CHN2: variants seen among roughly 807,000 people sequenced by gnomAD.
The protein encoded by CHN2 is chimerin 2.
CHN2 carries 35 observed loss-of-function variants against 56.3 expected under a neutral mutation model. The ratio of observed to expected loss-of-function variants is 0.62; its 90% CI spans 0.47 to 0.82. The LOEUF is 0.82. CHN2 is among the 40% of genes least tolerant of loss of function. The pLI, the probability that CHN2 is intolerant of heterozygous loss-of-function variation, is 0.00. For missense variants in CHN2, 491 were observed against 580.5 expected, an observed-to-expected ratio of 0.85 and a Z score of 1.58; for synonymous variants, 210 against 212.8, an observed-to-expected ratio of 0.99 and a Z score of 0.12.
intron 1 of CHN2, among the ~76,000 whole-genome samples, chr7:29,305,484 C>T (rs192810798): frequency 1.2e-4 from 18 of 151,596 alleles, no homozygotes; most frequent in African/African-American, 3.6e-4. Context: ...TGATACTTAT[C>T]GTTATTTATT....
chr7:29,276,506 A>G (rs889834501), intron 1 of CHN2, among the ~76,000 whole-genome samples: 1 of 152,192 alleles, frequency 6.6e-6, no homozygotes, highest in Non-Finnish European at 1.5e-5. Context: ...TGGGAGCTTT[A>G]GGGTCAGAGA....
chr7:29,256,864 G>C (rs908759776), intron 1 of CHN2, among the ~76,000 whole-genome samples: 1 of 152,112 alleles, frequency 6.6e-6, no homozygotes. Flanking sequence ...GTTAACCAAA[G>C]ACCTTGTATT....
At chr7:29,276,095 G>A (rs780253347) in intron 1 of CHN2, among the ~76,000 whole-genome samples, 2 of 152,014 alleles carry the variant, frequency 1.3e-5, no homozygotes, top group Non-Finnish European at 2.9e-5. Context: ...TTTTTCATTA[G>A]TATTTGGGGG....
At chr7:29,468,745 A>C (rs780407068) in intron 6 of CHN2, among the ~76,000 whole-genome samples, 1 of 152,034 alleles carries the variant, frequency 6.6e-6, no homozygotes, top group Non-Finnish European at 1.5e-5. Flanking sequence ...ACTTACTTTC[A>C]TATTGCTAAC....
rs1408870214 is a variant in CHN2 at position 29,398,248 on chromosome 7, C to A, written c.177-125C>A. ...CACTTAAGATGGGCAGTAGTCACCC[C>A]CCTTCTTCACTCAGTTGTGGGGCTG... is the stretch of plus-strand genomic sequence containing the variant. On this transcript the variant is annotated intron_variant, in intron 4 of 12. Transcript: ENST00000222792. 3 of 675,862 alleles carry A rather than the reference C, an allele frequency of 4.4e-6. No individual in the cohort carries two copies. In the South Asian group the frequency reaches 5.3e-5, roughly 12 times the overall value. 41.9% of individuals were successfully genotyped at this position (675,862 alleles called of 1,614,324 possible).
intron 1 of CHN2, among the ~76,000 whole-genome samples, chr7:29,235,282 A>G (rs1372620829): frequency 6.6e-6 from 1 of 152,220 alleles, no homozygotes; most frequent in Non-Finnish European, 1.5e-5. Flanking sequence ...CATATGAAGA[A>G]ATGCTCAACA....
Position 29,480,335 on chromosome 7 carries a change from T to A in CHN2, c.633T>A (p.Tyr211Ter). 1.2e-6 allele frequency: 2 copies of A among 1,614,184 alleles called. No homozygotes were observed. Among genetic ancestry groups the A allele is most frequent in the Non-Finnish European group, 1.7e-6 (2 of 1,180,022 alleles). ...CACACAACGACAACCACTTCAATTATGAGAAGACACACAACTTTAAGGTAA... is the reference window on the plus strand; with the variant it reads ...CACACAACGACAACCACTTCAATTAAGAGAAGACACACAACTTTAAGGTAA... ...ALTHNDNHFN[Y>*]EKTHNFKVHT... The change falls in exon 7 of 13, where the codon TAT becomes TAA. Residue 211 changes from tyrosine (Y) to a stop codon, truncating the protein, a stop_gained. Transcript: ENST00000222792. LOFTEE classifies it high-confidence loss of function.
intron 10 of CHN2, among the ~76,000 whole-genome samples, chr7:29,506,239 A>C (rs1790551883): frequency 6.6e-6 from 1 of 152,098 alleles, no homozygotes; most frequent in South Asian, 2.1e-4. Context: ...AGCAGGTCAA[A>C]ACTTCTGTGC....
chr7:29,490,775 G>A (rs1400418148), intron 7 of CHN2, among the ~76,000 whole-genome samples: 1 of 152,124 alleles, frequency 6.6e-6, no homozygotes, highest in Non-Finnish European at 1.5e-5. Flanking sequence ...TATTTGAAAT[G>A]TTATTATATT....
intron 7 of CHN2, among the ~76,000 whole-genome samples, chr7:29,491,080 A>T (rs1467922417): frequency 1.3e-5 from 2 of 152,150 alleles, no homozygotes; most frequent in Non-Finnish European, 2.9e-5. Context: ...AAAATTATAT[A>T]CTTCTGGTAA....
rs192063283 is a variant in CHN2, at chr7:29,327,439, C to T, written c.50-27186C>T. ...CTTCGGTTTTGCTTCTGGAGAGTGC[C>T]GAAACTTCTAGTTTTCTCACTGTTG... On this transcript the variant is annotated intron_variant, in intron 1 of 12. Transcript: ENST00000222792. 3.9e-5 allele frequency among the ~76,000 whole-genome samples: 6 copies of T among 152,178 alleles called. No individual in the cohort carries two copies. In the East Asian group the frequency reaches 7.7e-4, roughly 20 times the overall value.
chr7:29,486,845 G>A lies in CHN2; in HGVS notation c.654+6489G>A, dbSNP rs977636546. On this transcript the variant is annotated intron_variant, in intron 7 of 12. Coordinates refer to ENST00000222792, the MANE Select transcript of CHN2 (RefSeq NM_004067.4). Reference sequence around the variant, plus strand: ...TCCCACTAAAACACCTGTCCAGGACGTGGCAGCACCACCACCTCCCAGTTT... The same window carrying A: ...TCCCACTAAAACACCTGTCCAGGACATGGCAGCACCACCACCTCCCAGTTT... 4.6e-5 allele frequency among the ~76,000 whole-genome samples: 7 copies of A among 152,298 alleles called. 1 individual carries two copies. The highest frequency in any genetic ancestry group is 1.7e-4 in the African/African-American group (7 of 41,566).
intron 6 of CHN2, among the ~76,000 whole-genome samples, chr7:29,427,275 C>T (rs1410669982): frequency 4.6e-5 from 7 of 152,240 alleles, no homozygotes; most frequent in Non-Finnish European, 8.8e-5. Flanking sequence ...GAGATTGTGC[C>T]ACTGCACTGC....
intron 1 of CHN2, among the ~76,000 whole-genome samples, chr7:29,242,561 G>T (rs1014812760): frequency 6.6e-6 from 1 of 151,578 alleles, no homozygotes; most frequent in African/African-American, 2.4e-5. Context: ...TTCTAGAACT[G>T]GGTTCAGGTG....
chr7:29,464,907 A>G (rs1785440157), intron 6 of CHN2, among the ~76,000 whole-genome samples: 1 of 152,202 alleles, frequency 6.6e-6, no homozygotes, highest in South Asian at 2.1e-4. Context: ...CTCCAGGAGT[A>G]TGGGAGGCTC....
At chr7:29,346,622 T>C (rs893747050) in intron 1 of CHN2, among the ~76,000 whole-genome samples, 1 of 152,332 alleles carries the variant, frequency 6.6e-6, no homozygotes, top group African/African-American at 2.4e-5. Flanking sequence ...TTATTTGAAA[T>C]GTTCTTTAAA....
At chr7:29,350,744 G>A (rs1453523722) in intron 1 of CHN2, among the ~76,000 whole-genome samples, 1 of 152,216 alleles carries the variant, frequency 6.6e-6, no homozygotes, top group Non-Finnish European at 1.5e-5. Context: ...AATGACATTA[G>A]TGGGGCTCTG....
At chr7:29,433,141 C>T (rs534785723) in intron 6 of CHN2, among the ~76,000 whole-genome samples, 2 of 152,328 alleles carry the variant, frequency 1.3e-5, no homozygotes, top group East Asian at 3.9e-4. Context: ...ATGCCAAATG[C>T]ACAGTGCTAC....
At chr7:29,304,957 G>A (rs1325273632) in intron 1 of CHN2, among the ~76,000 whole-genome samples, 2 of 152,166 alleles carry the variant, frequency 1.3e-5, no homozygotes, top group African/African-American at 4.8e-5. Context: ...AATTGTCAGG[G>A]CGGAGGATAC....
Sources: allele counts gnomAD v4.1 joint callset (sites outside exome capture counted in the v4.1 genomes callset), GRCh38; gene constraint gnomAD v4.1.1; transcripts MANE v1.5; gene names NCBI Gene and HGNC (gene_info 2026-07-23, HGNC 2026-07-21).